The following CNOT10 variants were observed in gnomAD, a reference collection of about 807,000 sequenced individuals.
The protein encoded by CNOT10 is CCR4-NOT transcription complex subunit 10, also known as CCR4-NOT transcription complex, subunit 10.
A neutral mutation model predicts 94.6 loss-of-function variants in CNOT10; 30 were observed. The ratio of observed to expected loss-of-function variants is 0.32; its 90% CI spans 0.24 to 0.43. CNOT10 has a LOEUF of 0.43. Among genes scored for constraint, CNOT10 ranks in the 20% least tolerant of loss-of-function variants. CNOT10 has a pLI of 1.00. For synonymous variants in CNOT10, 289 were observed against 301.6 expected, an observed-to-expected ratio of 0.96 and a Z score of 0.43; for missense variants, 759 against 877.2, an observed-to-expected ratio of 0.87 and a Z score of 1.70.
chr3:32,739,519 C>CTT (rs112765362), intron 13 of CNOT10, among the ~76,000 whole-genome samples: 10 of 151,756 alleles, frequency 6.6e-5, no homozygotes, highest in Admixed American at 1.3e-4. Context: ...TCCATAGTGT[C>CTT]TTTTTTTTCA....
At chr3:32,752,323 T>G (rs1239290948) in intron 13 of CNOT10, among the ~76,000 whole-genome samples, 3 of 151,988 alleles carry the variant, frequency 2.0e-5, no homozygotes, top group Non-Finnish European at 4.4e-5. Flanking sequence ...GGTCTGCCAC[T>G]CTGTGGAAAC....
Position 32,703,852 on chromosome 3 carries a change from A to C in CNOT10, c.23-16A>C. The C allele has an allele frequency of 1.3e-6, 2 of 1,592,120 alleles. No individual in the cohort carries two copies. The highest frequency in any genetic ancestry group is 1.7e-6 in the Non-Finnish European group (2 of 1,160,872). On this transcript the variant is annotated splice_polypyrimidine_tract_variant and intron_variant, in intron 1 of 18. Transcript: ENST00000328834. The stretch of plus-strand genomic sequence containing the variant: ...ACTTTTATTTCTAAAGAACTGTAAA[A>C]TTTGTGTGTTTGCAGATCAGGGAGC...
At position 32,734,888 on chromosome 3, in the gene CNOT10, C is replaced by G. The variant is rs1442136605; in HGVS notation, c.1426C>G (p.Gln476Glu). ...RNALLLLPEE[Q>E]QDPKQENGAK... is the part of the protein sequence containing the mutation. ...TGCCTTGTTGCTGCTACCTGAAGAA[C>G]AGCAAGATCCAAAGCAGGAAAATGG... Residue 476 changes from glutamine to glutamate, a missense_variant, in exon 12 of 19, where the codon CAG (glutamine) becomes GAG (glutamate). Gln to Glu is a conservative substitution (Grantham distance 29). This residue lies in a region of CNOT10 where 682 missense variants were observed against 799.4 expected (regional missense o/e 0.85). Coordinates refer to ENST00000328834, the MANE Select transcript of CNOT10 (RefSeq NM_015442.3). 6.2e-7 allele frequency: 1 copy of G among 1,613,998 alleles called. No homozygotes were observed. The highest frequency in any genetic ancestry group is 1.1e-5 in the South Asian group (1 of 91,082).
In CNOT10 at chr3:32,725,597, C is replaced by T. The variant is rs1025592160; in HGVS notation, c.1010C>T (p.Pro337Leu). ...CAQLSAGSTD[P>L]GKKFSGRPMC... ...CAGCTCAGTGCAGGTAGCACTGATC[C>T]AGGTAAGCCCAGTACTGGGGGACAG... The change falls in exon 9 of 19, where the codon CCA becomes CTA. Residue 337 changes from proline (P) to leucine (L), a missense_variant and splice_region_variant. Physicochemically the swap from Pro to Leu is moderately conservative, Grantham distance 98. Around this residue, in one of 3 missense-constraint regions of CNOT10, gnomAD observed 682 missense variants for 799.4 expected, o/e 0.85. Transcript: ENST00000328834. 6.2e-7 allele frequency: 1 copy of T among 1,606,850 alleles called. No individual in the cohort carries two copies. Among genetic ancestry groups the T allele is most frequent in the South Asian group, 1.1e-5 (1 of 89,470 alleles).
At chr3:32,707,808 A>G (rs972782014) in intron 3 of CNOT10, among the ~76,000 whole-genome samples, 1 of 152,046 alleles carries the variant, frequency 6.6e-6, no homozygotes, top group Admixed American at 6.6e-5. Context: ...AAAAAAAATT[A>G]TCTATGACCT....
intron 13 of CNOT10, chr3:32,753,018 G>T: frequency 2.0e-6 from 1 of 490,040 alleles, no homozygotes; most frequent in Non-Finnish European, 4.1e-6. Context: ...GCTGACTAAG[G>T]CTTTGGAACA....
intron 12 of CNOT10, among the ~76,000 whole-genome samples, chr3:32,736,284 G>C (rs892027149): frequency 6.6e-6 from 1 of 151,934 alleles, no homozygotes; most frequent in African/African-American, 2.4e-5. Flanking sequence ...ATAGGGTTTT[G>C]CCATGTTGTC....
At chr3:32,752,317 T>C (rs1323791961) in intron 13 of CNOT10, among the ~76,000 whole-genome samples, 1 of 152,084 alleles carries the variant, frequency 6.6e-6, no homozygotes, top group Non-Finnish European at 1.5e-5. Context: ...TTCAGTGGTC[T>C]GCCACTCTGT....
rs529072687 is a variant in CNOT10 at position 32,703,577 on chromosome 3, C to G, written c.23-291C>G. Among the ~76,000 whole-genome samples, 6 of 152,258 alleles carry G rather than the reference C, an allele frequency of 3.9e-5. No individual in the cohort carries two copies. The South Asian group carries it at 1.2e-3, about 32-fold the overall frequency. ...CCTATTGATCTGATAACCAAGATGG[C>G]TACTGTGTGTCCAAGGGGGAGGTAT... On this transcript the variant is annotated intron_variant, in intron 1 of 18. Transcript: ENST00000328834.
At chr3:32,709,253 C>A (rs746142945) in intron 4 of CNOT10, among the ~76,000 whole-genome samples, 1 of 151,944 alleles carries the variant, frequency 6.6e-6, no homozygotes, top group Non-Finnish European at 1.5e-5. Context: ...TAGTTTTTTG[C>A]TATCTTAATT....
chr3:32,770,418 C>T (rs1320378445), intron 18 of CNOT10, among the ~76,000 whole-genome samples: 4 of 144,466 alleles, frequency 2.8e-5, no homozygotes, highest in East Asian at 4.2e-4. Flanking sequence ...TTCCGCCTCC[C>T]GGGTTCATGC....
intron 12 of CNOT10, among the ~76,000 whole-genome samples, chr3:32,736,826 A>G (rs897396143): frequency 6.6e-6 from 1 of 151,876 alleles, no homozygotes; most frequent in South Asian, 2.1e-4. Flanking sequence ...ATAATGAGAA[A>G]TGCGCGAAAA....
chr3:32,733,498 C>T lies in CNOT10; in HGVS notation c.1291C>T (p.Arg431Cys), dbSNP rs1255241348. Residue 431 changes from arginine (R) to cysteine (C), a missense_variant, in exon 11 of 19, where the codon CGT becomes TGT. By Grantham distance (180) the Arg-to-Cys change is radical. Transcript: ENST00000328834. ...VQSIVGQGYH[R>C]KIVLASQSIQ... ...GTCTATTGTTGGTCAAGGCTATCAT[C>T]GTAAAATAGTTTTGGCATCACAGTC... The T allele has an allele frequency of 2.5e-6, 4 of 1,604,192 alleles. No individual in the cohort carries two copies. The highest frequency in any genetic ancestry group is 1.7e-5 in the Admixed American group (1 of 59,552).
chr3:32,756,899 G>C (rs1007720846), intron 13 of CNOT10, among the ~76,000 whole-genome samples: 9 of 150,588 alleles, frequency 6.0e-5, no homozygotes, highest in African/African-American at 9.8e-5. Flanking sequence ...ACAAGGTCAG[G>C]AGTTTCCAGC....
intron 13 of CNOT10, among the ~76,000 whole-genome samples, chr3:32,751,181 G>A (rs1178304936): frequency 6.6e-6 from 1 of 152,140 alleles, no homozygotes; most frequent in African/African-American, 2.4e-5. Flanking sequence ...GCTCATTGCA[G>A]CCTCTACTTC....
intron 13 of CNOT10, among the ~76,000 whole-genome samples, chr3:32,755,433 C>T (rs1484677747): frequency 6.6e-6 from 1 of 151,164 alleles, no homozygotes; most frequent in East Asian, 2.0e-4. Context: ...ATTCTCCTGC[C>T]TCAGCCTCCC....
intron 10 of CNOT10, among the ~76,000 whole-genome samples, chr3:32,729,760 CTTTTTTTTTT>C (rs10590243): frequency 1.4e-5 from 1 of 71,720 alleles, no homozygotes; most frequent in African/African-American, 5.6e-5. Context: ...ATTTATACTT[CTTTTTTTTTT>C]TTTTTTTTTT....
At chr3:32,727,979 TTTTATTTATTTA>T (rs150924656) in intron 10 of CNOT10, 109 bp downstream of exon 10, 325,544 of 569,686 alleles carry the variant, frequency 0.57, 100,964 homozygotes, top group Non-Finnish European at 0.6. Context: ...ACATTTCTCT[TTTTATTTATTTA>T]TTTATTTATT....
intron 1 of CNOT10, among the ~76,000 whole-genome samples, chr3:32,702,437 T>C (rs1341780017): frequency 1.3e-5 from 2 of 152,196 alleles, no homozygotes; most frequent in Non-Finnish European, 2.9e-5. Context: ...TAGCAAATTA[T>C]AGAGGTAGGA....
Sources: allele counts gnomAD v4.1 joint callset (sites outside exome capture counted in the v4.1 genomes callset), GRCh38; gene constraint gnomAD v4.1.1; regional missense constraint gnomAD v4.1.1; transcripts MANE v1.5; gene names NCBI Gene and HGNC (gene_info 2026-07-23, HGNC 2026-07-21).